CDH13: variants seen among roughly 807,000 people sequenced by gnomAD.
CDH13 encodes the protein cadherin-13.
A neutral mutation model predicts 63.8 loss-of-function variants in CDH13; 24 were observed. The observed-to-expected ratio is 0.38, with a 90% CI of 0.27 to 0.53. CDH13 has a LOEUF of 0.53. Among genes scored for constraint, CDH13 ranks in the 20% least tolerant of loss-of-function variants. CDH13 has a pLI of 0.85. For missense variants in CDH13, 1,049 were observed against 903.1 expected (o/e 1.16, Z -2.07); for synonymous variants, 503 against 355.3 (o/e 1.42, Z -4.67).
intron 11 of CDH13, among the ~76,000 whole-genome samples, chr16:83,769,048 G>A (rs189938229): frequency 3.3e-5 from 5 of 152,288 alleles, no homozygotes; most frequent in Admixed American, 2.0e-4. Context: ...AGATGGGAGG[G>A]AACCTCAAAG....
chr16:83,068,180 G>A (rs918342689), intron 3 of CDH13, among the ~76,000 whole-genome samples: 7 of 152,194 alleles, frequency 4.6e-5, no homozygotes, highest in African/African-American at 1.7e-4. Context: ...AACTTCCAAT[G>A]AAATTAGAAT....
chr16:83,496,754 A>C (rs200005195), intron 7 of CDH13, among the ~76,000 whole-genome samples: 156 of 152,292 alleles, frequency 1.0e-3, no homozygotes, highest in South Asian at 2.7e-3. Flanking sequence ...TTTTCGCAAC[A>C]TACTCATCTG....
At chr16:83,148,762 G>C (rs1163249247) in intron 4 of CDH13, among the ~76,000 whole-genome samples, 2 of 152,188 alleles carry the variant, frequency 1.3e-5, no homozygotes, top group African/African-American at 4.8e-5. Flanking sequence ...TGAAGATGCA[G>C]AGACAGATTT....
At chr16:82,982,937 C>A (rs2151388696) in intron 2 of CDH13, among the ~76,000 whole-genome samples, 1 of 152,234 alleles carries the variant, frequency 6.6e-6, no homozygotes, top group African/African-American at 2.4e-5. Context: ...TCCTTTAAAT[C>A]ATAGTTATTT....
chr16:82,805,038 G>C (rs1180379274), intron 1 of CDH13, among the ~76,000 whole-genome samples: 2 of 152,180 alleles, frequency 1.3e-5, no homozygotes, highest in African/African-American at 2.4e-5. Flanking sequence ...GGAAAAGCAT[G>C]AAGATAAGGG....
At chr16:83,423,766 C>CA (rs1227570466) in intron 6 of CDH13, among the ~76,000 whole-genome samples, 1 of 152,126 alleles carries the variant, frequency 6.6e-6, no homozygotes, top group Admixed American at 6.5e-5. Context: ...GTGGGGACTG[C>CA]AAGATGTGCA....
intron 6 of CDH13, among the ~76,000 whole-genome samples, chr16:83,363,352 A>G (rs532895961): frequency 6.6e-6 from 1 of 152,194 alleles, no homozygotes; most frequent in Non-Finnish European, 1.5e-5. Flanking sequence ...ATGTGTAAGC[A>G]CATATGTGAG....
rs987870100 is a variant in CDH13, at chr16:83,043,672, A to G, written c.366+11454A>G. 3.3e-5 allele frequency among the ~76,000 whole-genome samples: 5 copies of G among 152,128 alleles called. No individual in the cohort carries two copies. In the East Asian group the frequency reaches 9.7e-4, roughly 29 times the overall value. The stretch of plus-strand genomic sequence containing the variant: ...CCCGGAGTTTGAGACCAGCCTGGCC[A>G]GGATGGTGAAACCACATCTCTACTA... On this transcript the variant is annotated intron_variant, in intron 3 of 13. Coordinates refer to ENST00000567109, the MANE Select transcript of CDH13 (RefSeq NM_001257.5).
chr16:83,078,949 C>G (rs1025759213), intron 3 of CDH13, among the ~76,000 whole-genome samples: 35 of 152,216 alleles, frequency 2.3e-4, no homozygotes, highest in Middle Eastern at 3.4e-3. Context: ...TGTGCACCAC[C>G]ACAGCAAGCT....
chr16:82,819,867 A>AT (rs1315808340), intron 1 of CDH13, among the ~76,000 whole-genome samples: 1 of 152,294 alleles, frequency 6.6e-6, no homozygotes, highest in Non-Finnish European at 1.5e-5. Context: ...GTCACATAGT[A>AT]TTTTAGAAGG....
chr16:83,268,925 A>G (rs112932438), intron 5 of CDH13, among the ~76,000 whole-genome samples: 3,620 of 79,138 alleles, frequency 0.046, 140 homozygotes, highest in African/African-American at 0.13. Context: ...CTCTGCCACA[A>G]GCCAAAGACC....
chr16:83,523,042 C>G (rs2074876793), intron 7 of CDH13, among the ~76,000 whole-genome samples: 1 of 152,210 alleles, frequency 6.6e-6, no homozygotes, highest in African/African-American at 2.4e-5. Context: ...TGAAATGTCA[C>G]TTCTCCAAAG....
chr16:83,311,295 G>A (rs2089994646), intron 5 of CDH13, among the ~76,000 whole-genome samples: 1 of 151,858 alleles, frequency 6.6e-6, no homozygotes. Context: ...CCCGGTGTGT[G>A]AAAGGAGGCT....
intron 6 of CDH13, among the ~76,000 whole-genome samples, chr16:83,414,518 AC>A (rs1293280478): frequency 1.3e-5 from 2 of 152,004 alleles, no homozygotes; most frequent in African/African-American, 2.4e-5. Context: ...GATTGCTAGA[AC>A]CCCTTCATCT....
chr16:83,247,837 G>T (rs1464520496), intron 5 of CDH13, among the ~76,000 whole-genome samples: 1 of 152,186 alleles, frequency 6.6e-6, no homozygotes, highest in Non-Finnish European at 1.5e-5. Context: ...ATATCATCTA[G>T]TGAGTCAGAG....
At chr16:83,761,471 C>G (rs1041231827) in intron 11 of CDH13, among the ~76,000 whole-genome samples, 1 of 152,158 alleles carries the variant, frequency 6.6e-6, no homozygotes, top group Non-Finnish European at 1.5e-5. Context: ...GACTCCAGCG[C>G]AGGCATGTAG....
intron 2 of CDH13, among the ~76,000 whole-genome samples, chr16:82,996,830 G>C (rs1912257635): frequency 1.3e-5 from 2 of 152,050 alleles, no homozygotes; most frequent in African/African-American, 4.8e-5. Context: ...TGATAGTGAT[G>C]GTGATGGTGG....
At chr16:83,111,107 G>A (rs1380081028) in intron 3 of CDH13, among the ~76,000 whole-genome samples, 1 of 151,800 alleles carries the variant, frequency 6.6e-6, no homozygotes, top group Non-Finnish European at 1.5e-5. Flanking sequence ...GGGAGGCGGA[G>A]CTTGCAGTGA....
chr16:83,732,181 A>T (rs1039336679), intron 10 of CDH13, among the ~76,000 whole-genome samples: 1 of 152,228 alleles, frequency 6.6e-6, no homozygotes, highest in Admixed American at 6.5e-5. Flanking sequence ...TGATCACACA[A>T]CCGGTGTGAT....
Sources: allele counts gnomAD v4.1 joint callset (sites outside exome capture counted in the v4.1 genomes callset), GRCh38; gene constraint gnomAD v4.1.1; transcripts MANE v1.5; gene names NCBI Gene and HGNC (gene_info 2026-07-23, HGNC 2026-07-21).